Variants in SH3TC1 observed in about 807,000 individuals in gnomAD.
SH3TC1 encodes the protein SH3 domain and tetratricopeptide repeats 1.
A neutral mutation model predicts 117.3 loss-of-function variants in SH3TC1; 135 were observed. That is an observed-to-expected ratio of 1.15 (90% CI 1.00 to 1.33). The LOEUF (loss-of-function observed/expected upper bound fraction) is 1.33. Ranked by LOEUF, SH3TC1 falls within the 40% of genes most tolerant of loss-of-function variation. The probability of loss-of-function intolerance (pLI) is 0.00; values close to 1 mark genes in which losing one functional copy is unlikely to be tolerated. For missense variants in SH3TC1, 2,092 were observed against 1,794.3 expected (o/e 1.17, Z -3.00); for synonymous variants, 898 against 816.9 (o/e 1.10, Z -1.69).
At chr4:8,238,073 C>T (rs1388534552) in intron 17 of SH3TC1, among the ~76,000 whole-genome samples, 3 of 152,206 alleles carry the variant, frequency 2.0e-5, no homozygotes, top group African/African-American at 7.2e-5. Context: ...CACATTGAAT[C>T]CATGTTGCAA....
At chr4:8,229,264 G>A (rs973740033) in intron 12 of SH3TC1, 1 of 151,886 alleles carries the variant, frequency 6.6e-6, no homozygotes, top group African/African-American at 2.4e-5. Context: ...AGGGTGAGTG[G>A]TGTGATGGCG....
intron 17 of SH3TC1, among the ~76,000 whole-genome samples, chr4:8,238,707 G>A (rs1249831065): frequency 6.6e-6 from 1 of 152,172 alleles, no homozygotes; most frequent in Non-Finnish European, 1.5e-5. Flanking sequence ...TGGCCCAGAG[G>A]GACGCTGCTC....
rs909677830 is a variant in SH3TC1 at position 8,192,629 on chromosome 4, G to T, written c.-57+10419G>T. 6.6e-6 allele frequency among the ~76,000 whole-genome samples: 1 copy of T among 152,112 alleles called. No homozygotes were observed. The highest frequency in any genetic ancestry group is 1.5e-5 in the Non-Finnish European group (1 of 68,022). ...CCGCCTCAGCCTCCTGAGTAGCTGG[G>T]ATCACAGGCGTGTGCCACAACGCCC... On this transcript the variant is annotated intron_variant, in intron 1 of 16. Transcript: ENST00000508641. This position sits in a 1 kb window ranked among gnomAD's most constrained non-coding sequence, Gnocchi z 4.1.
chr4:8,187,245 C>A (rs1180387901), intron 1 of SH3TC1, among the ~76,000 whole-genome samples: 1 of 152,234 alleles, frequency 6.6e-6, no homozygotes, highest in African/African-American at 2.4e-5. Flanking sequence ...CAGCAAAGTG[C>A]ACTCCTGCTC....
At chr4:8,215,276 TG>T (rs1215819863) in intron 5 of SH3TC1, 2 of 455,698 alleles carry the variant, frequency 4.4e-6, no homozygotes, top group African/African-American at 4.0e-5. Flanking sequence ...CTGTTCCATT[TG>T]GAGGAATTCC....
chr4:8,207,019 A>G (rs1387260604), intron 2 of SH3TC1, among the ~76,000 whole-genome samples: 1 of 146,682 alleles, frequency 6.8e-6, no homozygotes, highest in Non-Finnish European at 1.5e-5. Flanking sequence ...TAACACCATC[A>G]CCTCATCTAC....
chr4:8,202,689 G>A (rs1217907879), intron 1 of SH3TC1, among the ~76,000 whole-genome samples: 1 of 152,184 alleles, frequency 6.6e-6, no homozygotes, highest in African/African-American at 2.4e-5. Context: ...GCTGGCCCGG[G>A]GCTGATCCGG....
chr4:8,195,440 T>A (rs1717530118), upstream of SH3TC1, among the ~76,000 whole-genome samples: 1 of 152,194 alleles, frequency 6.6e-6, no homozygotes, highest in Non-Finnish European at 1.5e-5. Flanking sequence ...CCCCCAGCCC[T>A]GAAGGCTCAG....
chr4:8,193,900 A>G (rs1717485807), intron 1 of SH3TC1, among the ~76,000 whole-genome samples: 1 of 152,202 alleles, frequency 6.6e-6, no homozygotes, highest in Non-Finnish European at 1.5e-5. Flanking sequence ...AGAGAACTGA[A>G]GATGCTCTGA....
rs545230741 is a variant in SH3TC1, at chr4:8,194,167, A to T, written c.-57+11957A>T. 1.2e-4 allele frequency among the ~76,000 whole-genome samples: 18 copies of T among 152,222 alleles called. No individual in the cohort carries two copies. In the East Asian group the frequency reaches 2.3e-3, roughly 20 times the overall value. On this transcript the variant is annotated intron_variant, in intron 1 of 16. Coordinates refer to the SH3TC1 transcript ENST00000508641. The stretch of plus-strand genomic sequence containing the variant: ...TGTCCTGGGACCTTCGAGATGGATA[A>T]TTAAAAGGGGCGGCGGGGGGTGTTG...
chr4:8,223,001 A>G, intron 10 of SH3TC1, 31 bp downstream of exon 10: 1 of 1,596,956 alleles, frequency 6.3e-7, no homozygotes, highest in Non-Finnish European at 8.6e-7. Flanking sequence ...TGGTGGGGCC[A>G]CTGCCCTCCC....
rs537198551 is a variant in SH3TC1 at position 8,186,169 on chromosome 4, C to T, written c.-57+3959C>T. Reference sequence around the variant, plus strand: ...GGGTTTAATTAACAGCAGCTGCTGGCGGAGGGGCTGGGGCCAGCCTGACTC... The same window carrying T: ...GGGTTTAATTAACAGCAGCTGCTGGTGGAGGGGCTGGGGCCAGCCTGACTC... On this transcript the variant is annotated intron_variant, in intron 1 of 16. Coordinates refer to the SH3TC1 transcript ENST00000508641. The surrounding 1 kb of genome is among the most constrained non-coding windows in gnomAD (Gnocchi z 5.2). Among the ~76,000 whole-genome samples the T allele has an allele frequency of 4.6e-5, 7 of 152,288 alleles. 1 individual carries two copies. In the South Asian group the frequency reaches 8.3e-4, roughly 18 times the overall value.
rs1238193787 is a variant in SH3TC1 at position 8,183,265 on chromosome 4, G to A, written c.-57+1055G>A. Reference sequence around the variant, plus strand: ...TCCCCCTCGTTTACAGAGGAAGGCCGGCGCTCAAGGTGGCAGGACTGGCTG... The same window carrying A: ...TCCCCCTCGTTTACAGAGGAAGGCCAGCGCTCAAGGTGGCAGGACTGGCTG... On this transcript the variant is annotated intron_variant, in intron 1 of 16. Transcript: ENST00000508641. This position sits in a 1 kb window ranked among gnomAD's most constrained non-coding sequence, Gnocchi z 5.4. Among the ~76,000 whole-genome samples, 10 of 152,208 alleles carry A rather than the reference G, an allele frequency of 6.6e-5. No individual in the cohort carries two copies. The highest frequency in any genetic ancestry group is 2.1e-4 in the South Asian group (1 of 4,834).
intron 8 of SH3TC1, among the ~76,000 whole-genome samples, chr4:8,218,754 G>A (rs1445910677): frequency 1.3e-5 from 2 of 152,246 alleles, no homozygotes; most frequent in East Asian, 1.9e-4. Context: ...GTGGGCTGGC[G>A]CTGGCTGAAT....
At chr4:8,182,998 C>T (rs114455304) in intron 1 of SH3TC1, among the ~76,000 whole-genome samples, 2,434 of 152,176 alleles carry the variant, frequency 0.016, 68 homozygotes, top group African/African-American at 0.055. Flanking sequence ...GCTGTTGGGG[C>T]AGTGGGGAGG....
At chr4:8,182,725 G>C (rs1261094073) in intron 1 of SH3TC1, among the ~76,000 whole-genome samples, 1 of 152,222 alleles carries the variant, frequency 6.6e-6, no homozygotes, top group Non-Finnish European at 1.5e-5. Context: ...ACAGTGCAAT[G>C]CTGGTGACCC....
At chr4:8,232,498 A>C in intron 13 of SH3TC1, 1 of 1,407,552 alleles carries the variant, frequency 7.1e-7, no homozygotes, top group South Asian at 1.1e-5. Context: ...GCCTGCCCCG[A>C]GTCTTCACTC....
At chr4:8,218,380 G>A in intron 8 of SH3TC1, 33 bp downstream of exon 8, 1 of 1,549,858 alleles carries the variant, frequency 6.5e-7, no homozygotes, top group South Asian at 1.1e-5. Flanking sequence ...CTTTTTTGGG[G>A]AAATGTGTGT....
intron 9 of SH3TC1, 67 bp from the exon 10 acceptor site, chr4:8,222,773 T>C (rs1720062014): frequency 1.3e-6 from 2 of 1,568,932 alleles, no homozygotes; most frequent in Admixed American, 1.7e-5. Flanking sequence ...GGAATGGAAA[T>C]GTGCTTAGTG....
Sources: gnomAD v4.1 joint callset for allele counts (sites outside exome capture counted in the v4.1 genomes callset) on GRCh38, gnomAD v4.1.1 for gene constraint, Gnocchi (gnomAD v3.1) non-coding constraint, MANE v1.5 for transcripts, NCBI Gene and HGNC (gene_info 2026-07-23, HGNC 2026-07-21) for gene names.